Variants in COL19A1 observed in about 807,000 individuals in gnomAD.
The protein encoded by COL19A1 is collagen alpha-1(XIX) chain.
COL19A1 carries 159 observed loss-of-function variants against 190.2 expected under a neutral mutation model. That is an observed-to-expected ratio of 0.84 (90% confidence interval 0.73 to 0.95). The LOEUF (loss-of-function observed/expected upper bound fraction) is 0.95. Among genes scored for constraint, COL19A1 ranks in the 40% least tolerant of loss-of-function variants. The pLI, the probability that COL19A1 is intolerant of heterozygous loss-of-function variation, is 0.00. For missense variants in COL19A1, 1,418 were observed against 1,431.9 expected, an observed-to-expected ratio of 0.99 and a Z score of 0.16; for synonymous variants, 509 against 458.9, an observed-to-expected ratio of 1.11 and a Z score of -1.39.
intron 11 of COL19A1, among the ~76,000 whole-genome samples, chr6:69,971,430 T>C (rs563186143): frequency 2.6e-5 from 4 of 152,294 alleles, no homozygotes; most frequent in African/African-American, 9.6e-5. Context: ...AAAGAGGCCA[T>C]GCAGAAAAAC....
chr6:69,884,162 C>A (rs754726648), intron 2 of COL19A1, among the ~76,000 whole-genome samples: 1 of 151,862 alleles, frequency 6.6e-6, no homozygotes, highest in Non-Finnish European at 1.5e-5. Context: ...TGGTGAAATC[C>A]TGTGTCTACT....
chr6:70,134,327 A>G (rs1451468115), intron 18 of COL19A1, among the ~76,000 whole-genome samples: 4 of 152,320 alleles, frequency 2.6e-5, no homozygotes, highest in Non-Finnish European at 4.4e-5. Flanking sequence ...ATAATGTGGT[A>G]AGAATAAGAC....
At chr6:70,084,261 T>C (rs1385415755) in intron 15 of COL19A1, among the ~76,000 whole-genome samples, 1 of 152,158 alleles carries the variant, frequency 6.6e-6, no homozygotes, top group Non-Finnish European at 1.5e-5. Flanking sequence ...GAGTTTAGAC[T>C]TAATGTTGAC....
intron 4 of COL19A1, among the ~76,000 whole-genome samples, chr6:69,922,477 G>GTTTTTTTTT (rs5877232): frequency 6.6e-5 from 6 of 90,770 alleles, no homozygotes; most frequent in African/African-American, 2.4e-4. Context: ...TTCTATTTAG[G>GTTTTTTTTT]TTTTTTTTTT....
chr6:70,184,904 A>G lies in COL19A1; in HGVS notation c.2845A>G (p.Lys949Glu). The change falls in exon 46 of 51, where the codon AAA becomes GAA. Residue 949 changes from lysine (K) to glutamate (E), a missense_variant. Physicochemically the swap from Lys to Glu is moderately conservative, Grantham distance 56. Coordinates refer to ENST00000620364, the MANE Select transcript of COL19A1 (RefSeq NM_001858.6). ...IMGKPGDRGP[K>E]GERGDQGIPG... ...GGGTAAGCCTGGAGACAGAGGCCCC[A>G]AAGGAGAACGTGTATGTATATTACT... 3.1e-6 allele frequency: 5 copies of G among 1,613,020 alleles called. No individual in the cohort carries two copies. The highest frequency in any genetic ancestry group is 4.2e-6 in the Non-Finnish European group (5 of 1,179,532).
At position 70,192,365 on chromosome 6, in the gene COL19A1, T is replaced by C. The variant is rs150113687; in HGVS notation, c.3094+1984T>C. 4.3e-3 allele frequency among the ~76,000 whole-genome samples: 648 copies of C among 152,328 alleles called. 6 individuals carry two copies. Among genetic ancestry groups the C allele is most frequent in the African/African-American group, 0.013 (531 of 41,590 alleles). On this transcript the variant is annotated intron_variant, in intron 48 of 50. Transcript: ENST00000620364. ...TTTATCTTGCTCTGATATGACAGTT[T>C]ACTAATACATTTGTCCACTCTTTTG...
At position 69,995,040 on chromosome 6, in the gene COL19A1, A is replaced by G. The variant is rs916919523; in HGVS notation, c.1027-28587A>G. 4.6e-5 allele frequency among the ~76,000 whole-genome samples: 7 copies of G among 152,206 alleles called. 1 individual carries two copies. The highest frequency in any genetic ancestry group is 2.6e-4 in the Admixed American group (4 of 15,270). On this transcript the variant is annotated intron_variant, in intron 11 of 50. Transcript: ENST00000620364. ...GAAAATCAAATGTTCTCTCTCTCACATACACACTCTCTCTTTCTTTCTCTT... is the reference window on the plus strand; with the variant it reads ...GAAAATCAAATGTTCTCTCTCTCACGTACACACTCTCTCTTTCTTTCTCTT...
At chr6:70,140,288 T>A (rs1474212383) in intron 19 of COL19A1, among the ~76,000 whole-genome samples, 1 of 152,074 alleles carries the variant, frequency 6.6e-6, no homozygotes, top group Non-Finnish European at 1.5e-5. Context: ...TTACTTATAA[T>A]ATATATTACA....
rs374740274 is a variant in COL19A1 at position 69,921,395 on chromosome 6, C to CATATATATCATATATCATATATATCAT, written c.267-6508_267-6507insATCATATATCATATATATCATATATAT. Among the ~76,000 whole-genome samples, 613 of 80,014 alleles carry CATATATATCATATATCATATATATCAT rather than the reference C, an allele frequency of 7.7e-3. 36 individuals carry two copies. The highest frequency in any genetic ancestry group is 0.025 in the South Asian group (66 of 2,652). The allele number at this position is 80,014 out of a possible 152,430, so 52.5% of individuals were successfully genotyped here. On this transcript the variant is annotated intron_variant, in intron 4 of 50. Transcript: ENST00000620364. ...TATATATCATATATATCATATATAT[C>CATATATATCATATATCATATATATCAT]ATATATCATATATATCATATATCAT...
At chr6:69,873,312 A>C (rs1383529666) in intron 1 of COL19A1, among the ~76,000 whole-genome samples, 1 of 152,104 alleles carries the variant, frequency 6.6e-6, no homozygotes, top group Admixed American at 6.5e-5. Flanking sequence ...CGTTGGGTCC[A>C]TCTTCCCAGG....
intron 9 of COL19A1, among the ~76,000 whole-genome samples, chr6:69,945,182 T>C (rs1773720370): frequency 6.6e-6 from 1 of 152,086 alleles, no homozygotes; most frequent in Non-Finnish European, 1.5e-5. Context: ...TCTATTATTA[T>C]CTTCCATATC....
chr6:70,137,615 C>A, intron 18 of COL19A1, 70 bp from the exon 19 acceptor site: 1 of 1,381,958 alleles, frequency 7.2e-7, no homozygotes, highest in Non-Finnish European at 1.0e-6. Context: ...AGCAATCATT[C>A]TGTATCTGAC....
intron 4 of COL19A1, among the ~76,000 whole-genome samples, chr6:69,926,243 G>T (rs180751281): frequency 1.3e-5 from 2 of 152,006 alleles, no homozygotes; most frequent in Non-Finnish European, 1.5e-5. Flanking sequence ...ACAATTAGAA[G>T]ATATGCAAAA....
intron 11 of COL19A1, among the ~76,000 whole-genome samples, chr6:69,994,848 C>A (rs1472212273): frequency 1.3e-5 from 2 of 152,058 alleles, no homozygotes; most frequent in Non-Finnish European, 2.9e-5. Context: ...AAGAGGAAGA[C>A]CAGCCTAATG....
intron 16 of COL19A1, among the ~76,000 whole-genome samples, chr6:70,102,519 T>C (rs1315944843): frequency 6.6e-6 from 1 of 152,176 alleles, no homozygotes; most frequent in East Asian, 1.9e-4. Flanking sequence ...AGTGTCCAGA[T>C]AGATGAATCC....
chr6:69,972,086 C>T (rs1775460964), intron 11 of COL19A1, among the ~76,000 whole-genome samples: 1 of 152,174 alleles, frequency 6.6e-6, no homozygotes, highest in Non-Finnish European at 1.5e-5. Context: ...CTTTCAGTTA[C>T]TTGAATGTGC....
At chr6:70,157,637 C>T (rs770535085) in intron 34 of COL19A1, among the ~76,000 whole-genome samples, 10 of 151,742 alleles carry the variant, frequency 6.6e-5, no homozygotes, top group Admixed American at 2.6e-4. Context: ...GATTTTTTCC[C>T]AAGTTAAAAA....
At chr6:70,003,101 T>A (rs1357448859) in intron 11 of COL19A1, among the ~76,000 whole-genome samples, 2 of 152,012 alleles carry the variant, frequency 1.3e-5, no homozygotes, top group Non-Finnish European at 2.9e-5. Context: ...TTTTTATTGG[T>A]TTCAAAGAAC....
chr6:70,180,192 G>A, intron 42 of COL19A1, 120 bp from the exon 43 acceptor site: 1 of 1,088,224 alleles, frequency 9.2e-7, no homozygotes, highest in Non-Finnish European at 1.4e-6. Flanking sequence ...GGCCAGAAAT[G>A]CCACTGGAGA....
Sources: gnomAD v4.1 joint callset for allele counts (sites outside exome capture counted in the v4.1 genomes callset) on GRCh38, gnomAD v4.1.1 for gene constraint, MANE v1.5 for transcripts, NCBI Gene and HGNC (gene_info 2026-07-23, HGNC 2026-07-21) for gene names.